MDGA2: variants seen among roughly 807,000 people sequenced by gnomAD.
MDGA2 encodes MAM domain containing glycosylphosphatidylinositol anchor 2.
MDGA2 carries 40 observed loss-of-function variants against 117.8 expected under a neutral mutation model. That is an observed-to-expected ratio of 0.34 (90% CI 0.26 to 0.44). The LOEUF is 0.44. MDGA2 is among the 20% of genes least tolerant of loss of function. MDGA2 has a pLI of 1.00. For synonymous variants in MDGA2, 452 were observed against 439.0 expected, an observed-to-expected ratio of 1.03 and a Z score of -0.37; for missense variants, 1,123 against 1,250.6, an observed-to-expected ratio of 0.90 and a Z score of 1.54.
chr14:46,990,611 G>C (rs766506151), intron 8 of MDGA2, among the ~76,000 whole-genome samples: 1 of 151,710 alleles, frequency 6.6e-6, no homozygotes, highest in Non-Finnish European at 1.5e-5. Context: ...CTAATGTCTA[G>C]TTACACATTA....
At chr14:46,882,555 C>T (rs578049712) in intron 10 of MDGA2, among the ~76,000 whole-genome samples, 19 of 150,520 alleles carry the variant, frequency 1.3e-4, no homozygotes, top group Admixed American at 4.0e-4. Context: ...TAATGGCATA[C>T]GAGATTCTTG....
chr14:47,032,649 T>G (rs976546564), intron 8 of MDGA2, among the ~76,000 whole-genome samples: 2 of 152,160 alleles, frequency 1.3e-5, no homozygotes, highest in Non-Finnish European at 2.9e-5. Flanking sequence ...TTATCTGAAT[T>G]CCTGTACTAT....
intron 1 of MDGA2, among the ~76,000 whole-genome samples, chr14:47,415,244 A>C (rs964966935): frequency 1.3e-5 from 2 of 152,190 alleles, no homozygotes; most frequent in Non-Finnish European, 2.9e-5. Context: ...CATGAATGAC[A>C]AACTCAGCAA....
chr14:47,575,394 T>C (rs1196506932), intron 1 of MDGA2, among the ~76,000 whole-genome samples: 1 of 152,178 alleles, frequency 6.6e-6, no homozygotes, highest in Non-Finnish European at 1.5e-5. Flanking sequence ...GAGTCACACA[T>C]TAATTCTATC....
At chr14:47,127,655 T>A (rs1474873447) in intron 5 of MDGA2, among the ~76,000 whole-genome samples, 1 of 152,106 alleles carries the variant, frequency 6.6e-6, no homozygotes, top group African/African-American at 2.4e-5. Context: ...GAATAATAGG[T>A]TTTTATGTTT....
intron 7 of MDGA2, among the ~76,000 whole-genome samples, chr14:47,057,467 T>C (rs1045543702): frequency 1.1e-4 from 17 of 151,806 alleles, no homozygotes; most frequent in African/African-American, 3.9e-4. Context: ...ACACTAATTT[T>C]AAATTAAAAA....
At chr14:47,368,667 G>A (rs1891281921) in intron 1 of MDGA2, among the ~76,000 whole-genome samples, 1 of 152,080 alleles carries the variant, frequency 6.6e-6, no homozygotes, top group African/African-American at 2.4e-5. Context: ...GTATCTAAAT[G>A]ACACCATCTG....
chr14:47,421,844 C>A (rs1161215855), intron 1 of MDGA2, among the ~76,000 whole-genome samples: 1 of 151,942 alleles, frequency 6.6e-6, no homozygotes, highest in Non-Finnish European at 1.5e-5. Context: ...TACAAGAATG[C>A]ATTCTTTTTG....
intron 1 of MDGA2, among the ~76,000 whole-genome samples, chr14:47,667,358 C>G (rs1473344362): frequency 6.6e-6 from 1 of 152,192 alleles, no homozygotes; most frequent in Non-Finnish European, 1.5e-5. Context: ...CTCCAATGAT[C>G]AATCTGTACC....
chr14:47,090,881 G>A (rs1220700237), intron 6 of MDGA2, among the ~76,000 whole-genome samples: 2 of 152,146 alleles, frequency 1.3e-5, no homozygotes, highest in African/African-American at 2.4e-5. Context: ...CCAGGCACTA[G>A]TTATTTGAAT....
At chr14:47,559,150 T>C (rs1426399575) in intron 1 of MDGA2, among the ~76,000 whole-genome samples, 1 of 152,140 alleles carries the variant, frequency 6.6e-6, no homozygotes, top group South Asian at 2.1e-4. Flanking sequence ...GTAAATTGCG[T>C]GTTGCAAGGG....
chr14:47,134,778 T>A (rs961899879), intron 4 of MDGA2, among the ~76,000 whole-genome samples: 4 of 104,638 alleles, frequency 3.8e-5, no homozygotes, highest in African/African-American at 1.3e-4. Flanking sequence ...ACACACACAC[T>A]ATATATATAT....
At chr14:47,208,995 T>A (rs578192861) in intron 3 of MDGA2, among the ~76,000 whole-genome samples, 18 of 149,270 alleles carry the variant, frequency 1.2e-4, no homozygotes, top group South Asian at 2.1e-4. Flanking sequence ...GAATGGATAG[T>A]TTTTATAAGA....
intron 2 of MDGA2, 45 bp downstream of exon 2, chr14:47,301,366 A>G: frequency 1.9e-6 from 3 of 1,546,996 alleles, no homozygotes; most frequent in Non-Finnish European, 2.6e-6. Context: ...GACTTCTGAG[A>G]AAAGTCAGAG....
intron 1 of MDGA2, among the ~76,000 whole-genome samples, chr14:47,396,578 C>T (rs1005534753): frequency 6.6e-6 from 1 of 151,980 alleles, no homozygotes; most frequent in Admixed American, 6.6e-5. Flanking sequence ...AAAATTTTTG[C>T]AATCTATCCA....
At chr14:47,228,559 C>A (rs2139561352) in intron 2 of MDGA2, among the ~76,000 whole-genome samples, 1 of 152,196 alleles carries the variant, frequency 6.6e-6, no homozygotes, top group Middle Eastern at 3.4e-3. Flanking sequence ...CTTTAGCTAG[C>A]ACATTAAGGT....
At chr14:47,047,229 T>C (rs950940445) in intron 7 of MDGA2, among the ~76,000 whole-genome samples, 1 of 152,084 alleles carries the variant, frequency 6.6e-6, no homozygotes, top group African/African-American at 2.4e-5. Context: ...CATGGAGAGT[T>C]TGGAAGACTT....
chr14:47,467,624 T>C (rs1189697156), intron 1 of MDGA2, among the ~76,000 whole-genome samples: 4 of 152,118 alleles, frequency 2.6e-5, no homozygotes, highest in African/African-American at 9.7e-5. Flanking sequence ...TGCTTGGGTA[T>C]GAATCCTCAC....
intron 9 of MDGA2, among the ~76,000 whole-genome samples, chr14:46,952,055 G>A (rs1459953338): frequency 6.6e-6 from 1 of 151,840 alleles, no homozygotes; most frequent in Non-Finnish European, 1.5e-5. Context: ...ATAGTTTACA[G>A]AGATAAAACC....
Sources: allele counts gnomAD v4.1 joint callset (sites outside exome capture counted in the v4.1 genomes callset), GRCh38; gene constraint gnomAD v4.1.1; transcripts MANE v1.5; gene names NCBI Gene and HGNC (gene_info 2026-07-23, HGNC 2026-07-21).